The following CAMK1D variants were observed in gnomAD, a reference collection of about 807,000 sequenced individuals.
The protein encoded by CAMK1D is calcium/calmodulin-dependent protein kinase type 1D.
A neutral mutation model predicts 47.7 loss-of-function variants in CAMK1D; 9 were observed. That is an observed-to-expected ratio of 0.19 (90% CI 0.11 to 0.33). The LOEUF is 0.33. CAMK1D is among the 10% of genes least tolerant of loss of function. CAMK1D has a pLI of 1.00. For missense variants in CAMK1D, 291 were observed against 488.7 expected, an observed-to-expected ratio of 0.60 and a Z score of 3.81; for synonymous variants, 184 against 184.9, an observed-to-expected ratio of 0.99 and a Z score of 0.04.
rs34038018 is a variant in CAMK1D at position 12,573,831 on chromosome 10, C to CTTTTTTTTTTT, written c.224+20490_224+20500dup. 1.4e-3 allele frequency among the ~76,000 whole-genome samples: 90 copies of CTTTTTTTTTTT among 64,084 alleles called. 5 individuals carry two copies. Among genetic ancestry groups the CTTTTTTTTTTT allele is most frequent in the African/African-American group, 2.9e-3 (53 of 18,450 alleles). The allele number at this position is 64,084 out of a possible 152,430, so 42.0% of individuals were successfully genotyped here. ...CACCATGCCTGGCTTATTAAAAAAACTTTTTTTTTTTTTTTTTTTTTTTTT... is the reference window on the plus strand; with the variant it reads ...CACCATGCCTGGCTTATTAAAAAAACTTTTTTTTTTTTTTTTTTTTTTTTTTTTTTTTTTTT... On this transcript the variant is annotated intron_variant, in intron 2 of 10. Transcript: ENST00000619168.
intron 1 of CAMK1D, among the ~76,000 whole-genome samples, chr10:12,522,428 T>G (rs3957651): frequency 0.4 from 40,045 of 99,906 alleles, 9,012 homozygotes; most frequent in South Asian, 0.47. Flanking sequence ...TCAAGCATCT[T>G]TTTAACAAAG....
chr10:12,371,468 C>G (rs1343304037), intron 1 of CAMK1D, among the ~76,000 whole-genome samples: 2 of 150,446 alleles, frequency 1.3e-5, no homozygotes, highest in Non-Finnish European at 3.0e-5. Context: ...CCCAGCTACT[C>G]AGGAGGCTGA....
intron 2 of CAMK1D, among the ~76,000 whole-genome samples, chr10:12,594,632 T>C (rs1838090835): frequency 6.6e-6 from 1 of 152,256 alleles, no homozygotes; most frequent in African/African-American, 2.4e-5. Context: ...ACTCAAGCGT[T>C]TCTGTCAGAT....
intron 3 of CAMK1D, among the ~76,000 whole-genome samples, chr10:12,672,224 T>C (rs1400601095): frequency 6.6e-6 from 1 of 151,900 alleles, no homozygotes; most frequent in Non-Finnish European, 1.5e-5. Flanking sequence ...CACTGTCACC[T>C]AATTCTTAAT....
intron 1 of CAMK1D, among the ~76,000 whole-genome samples, chr10:12,375,258 G>A (rs1351027013): frequency 6.6e-6 from 1 of 152,114 alleles, no homozygotes; most frequent in Non-Finnish European, 1.5e-5. Context: ...TAAAAATCCC[G>A]AGTAATGGAA....
chr10:12,412,455 C>CAAAAAA (rs1180559333), intron 1 of CAMK1D, among the ~76,000 whole-genome samples: 3 of 118,656 alleles, frequency 2.5e-5, no homozygotes, highest in Admixed American at 9.3e-5. Context: ...ACTAAAAATA[C>CAAAAAA]AAAAAAAAAA....
intron 1 of CAMK1D, among the ~76,000 whole-genome samples, chr10:12,472,698 T>C (rs1833783996): frequency 6.6e-6 from 1 of 151,948 alleles, no homozygotes; most frequent in Non-Finnish European, 1.5e-5. Context: ...ATTTCTGTAT[T>C]TTTAGTAGAG....
At chr10:12,474,675 A>C (rs1833850569) in intron 1 of CAMK1D, among the ~76,000 whole-genome samples, 1 of 152,104 alleles carries the variant, frequency 6.6e-6, no homozygotes, top group African/African-American at 2.4e-5. Flanking sequence ...GGTTTGCTGT[A>C]CAGATTTTTT....
intron 1 of CAMK1D, among the ~76,000 whole-genome samples, chr10:12,476,889 T>C (rs376187344): frequency 8.5e-5 from 13 of 152,182 alleles, no homozygotes; most frequent in East Asian, 7.7e-4. Context: ...GGTCCTGTTA[T>C]GTGGGATTGG....
chr10:12,598,341 G>A (rs1838203282), intron 2 of CAMK1D, among the ~76,000 whole-genome samples: 1 of 152,180 alleles, frequency 6.6e-6, no homozygotes, highest in Non-Finnish European at 1.5e-5. Flanking sequence ...TTCATTTCCT[G>A]CAGCTGTTCT....
intron 1 of CAMK1D, among the ~76,000 whole-genome samples, chr10:12,372,329 G>T (rs1838029182): frequency 6.6e-6 from 1 of 152,222 alleles, no homozygotes; most frequent in South Asian, 2.1e-4. Flanking sequence ...CCATTTTAGA[G>T]ATGAGGAAAC....
intron 3 of CAMK1D, among the ~76,000 whole-genome samples, chr10:12,675,731 T>C (rs1323221694): frequency 6.6e-6 from 1 of 152,214 alleles, no homozygotes; most frequent in African/African-American, 2.4e-5. Flanking sequence ...CTTCTCATCT[T>C]CGAGTCAAAG....
intron 3 of CAMK1D, among the ~76,000 whole-genome samples, chr10:12,693,961 TATAAA>T (rs1193817923): frequency 1.9e-4 from 7 of 37,380 alleles, no homozygotes; most frequent in Non-Finnish European, 3.0e-4. Context: ...ATATATTATA[TATAAA>T]ATATATAATA....
chr10:12,715,909 C>T (rs533113660), intron 3 of CAMK1D, among the ~76,000 whole-genome samples: 1 of 151,970 alleles, frequency 6.6e-6, no homozygotes, highest in East Asian at 1.9e-4. Context: ...AGGGTTTCAC[C>T]ATGTTGGCCA....
Position 12,810,017 on chromosome 10 carries a change from G to A in CAMK1D, c.642-4178G>A, listed in dbSNP as rs186459992. On this transcript the variant is annotated intron_variant, in intron 6 of 10. Coordinates refer to ENST00000619168, the MANE Select transcript of CAMK1D (RefSeq NM_153498.4). ...AAAAAAAATAGCTGGGCATGGTGGCGTGCACCTGTAGTCCCAGCTACTTGG... is the reference window on the plus strand; with the variant it reads ...AAAAAAAATAGCTGGGCATGGTGGCATGCACCTGTAGTCCCAGCTACTTGG... Among the ~76,000 whole-genome samples, 751 of 151,804 alleles carry A rather than the reference G, an allele frequency of 4.9e-3. 1 individual carries two copies. The highest frequency in any genetic ancestry group is 6.2e-3 in the Non-Finnish European group (418 of 67,932).
chr10:12,676,789 G>A (rs146688335), intron 3 of CAMK1D, among the ~76,000 whole-genome samples: 13 of 152,234 alleles, frequency 8.5e-5, no homozygotes, highest in African/African-American at 2.6e-4. Context: ...AATGATATTC[G>A]TTATGATTCA....
At chr10:12,467,953 A>G (rs1310198852) in intron 1 of CAMK1D, among the ~76,000 whole-genome samples, 7 of 152,366 alleles carry the variant, frequency 4.6e-5, no homozygotes, top group Non-Finnish European at 1.0e-4. Context: ...GTTTCACCCA[A>G]TGGTAAATCT....
At chr10:12,648,226 G>A (rs1043618537) in intron 2 of CAMK1D, among the ~76,000 whole-genome samples, 17 of 152,074 alleles carry the variant, frequency 1.1e-4, no homozygotes, top group African/African-American at 3.4e-4. Flanking sequence ...TAATTCTCCC[G>A]TCTGTAAATG....
At chr10:12,578,524 C>T (rs993819910) in intron 2 of CAMK1D, among the ~76,000 whole-genome samples, 28 of 133,850 alleles carry the variant, frequency 2.1e-4, no homozygotes, top group African/African-American at 4.5e-4. Flanking sequence ...GAGCCGAGAT[C>T]GTGCCATTGC....
Sources: allele counts gnomAD v4.1 joint callset (sites outside exome capture counted in the v4.1 genomes callset), GRCh38; gene constraint gnomAD v4.1.1; transcripts MANE v1.5; gene names NCBI Gene and HGNC (gene_info 2026-07-23, HGNC 2026-07-21).